PDE11A: variants seen among roughly 807,000 people sequenced by gnomAD.
The protein encoded by PDE11A is phosphodiesterase 11A.
Under a neutral mutation model 100.5 loss-of-function variants are expected in PDE11A, and 100 were observed. The ratio of observed to expected loss-of-function variants is 1.00; its 90% CI spans 0.85 to 1.18. The LOEUF (loss-of-function observed/expected upper bound fraction) is 1.18. Ranked by LOEUF, PDE11A falls within the 50% of genes most tolerant of loss-of-function variation. The pLI is 0.00. For synonymous variants in PDE11A, 381 were observed against 420.8 expected (o/e 0.91, Z 1.16); for missense variants, 1,141 against 1,152.6 (o/e 0.99, Z 0.15).
rs2087147897 is a variant in PDE11A at position 178,072,420 on chromosome 2, C to T, written c.18G>A (p.Leu6=). The part of the protein sequence containing the change: MAASR[L]DFGEVETFLD... ...GGAAAGTTTCCACCTCCCCAAAGTC[C>T]AGGCGGGAGGCTGCCATGGTCCCAG... The change falls in exon 1 of 20, where the codon CTG becomes CTA. Residue 6 remains leucine (L), a synonymous_variant. Transcript: ENST00000286063. 2 of 1,613,404 alleles carry T rather than the reference C, an allele frequency of 1.2e-6. No individual in the cohort carries two copies. Among genetic ancestry groups the T allele is most frequent in the East Asian group, 4.5e-5 (2 of 44,888 alleles).
At chr2:177,740,678 C>T (rs997487361) in intron 10 of PDE11A, among the ~76,000 whole-genome samples, 6 of 152,202 alleles carry the variant, frequency 3.9e-5, no homozygotes, top group African/African-American at 1.2e-4. Flanking sequence ...ATTTGAATGC[C>T]TCTTAGCTTA....
At chr2:177,704,027 T>C (rs2081240848) in intron 13 of PDE11A, among the ~76,000 whole-genome samples, 1 of 152,230 alleles carries the variant, frequency 6.6e-6, no homozygotes. Flanking sequence ...ACAATACTGA[T>C]TCAATCACAG....
At chr2:177,778,374 A>G (rs1263218417) in intron 9 of PDE11A, among the ~76,000 whole-genome samples, 2 of 152,196 alleles carry the variant, frequency 1.3e-5, no homozygotes, top group Non-Finnish European at 2.9e-5. Context: ...GATATGGACC[A>G]TTATACCAGC....
chr2:177,764,052 C>T (rs1322065903), intron 10 of PDE11A, among the ~76,000 whole-genome samples: 1 of 152,188 alleles, frequency 6.6e-6, no homozygotes, highest in Admixed American at 6.5e-5. Flanking sequence ...ATTAAAGTGT[C>T]TTATCAAATC....
chr2:178,018,082 G>A (rs1012327934), intron 1 of PDE11A: 4 of 193,484 alleles, frequency 2.1e-5, no homozygotes, highest in Non-Finnish European at 3.2e-5. Flanking sequence ...GACCTGCCAT[G>A]TCTCAGCACA....
chr2:177,680,740 T>G, intron 16 of PDE11A, 86 bp downstream of exon 16: 1 of 726,196 alleles, frequency 1.4e-6, no homozygotes, highest in South Asian at 1.6e-5. Flanking sequence ...TAAAAATCAC[T>G]TCTATGCTCT....
At chr2:178,102,365 T>C (rs529551748) in intron 2 of PDE11A, among the ~76,000 whole-genome samples, 1 of 151,548 alleles carries the variant, frequency 6.6e-6, no homozygotes, top group African/African-American at 2.4e-5. Flanking sequence ...GACCTCGTGA[T>C]CTGCCAACCT....
At chr2:177,673,276 GAGA>G (rs969434972) in intron 17 of PDE11A, among the ~76,000 whole-genome samples, 17 of 152,196 alleles carry the variant, frequency 1.1e-4, no homozygotes, top group African/African-American at 4.1e-4. Flanking sequence ...TTCTTTAGGT[GAGA>G]AGAAGGCAGT....
chr2:178,042,700 A>G (rs2086699399), intron 1 of PDE11A, among the ~76,000 whole-genome samples: 1 of 152,210 alleles, frequency 6.6e-6, no homozygotes, highest in Non-Finnish European at 1.5e-5. Context: ...GCCTCAGTAT[A>G]TGATTTTAAG....
At position 177,686,179 on chromosome 2, in the gene PDE11A, T is replaced by C. The variant is rs2080945588; in HGVS notation, c.2346-5276A>G. On this transcript the variant is annotated intron_variant, in intron 15 of 19. Transcript: ENST00000286063. ...GTGATAAGTTCTATTTACTCTGTCG[T>C]CCCAAGGTTTGATTATGTTCTTAAG... Among the ~76,000 whole-genome samples the C allele has an allele frequency of 2.0e-5, 3 of 152,326 alleles. No individual in the cohort carries two copies. In the South Asian group the frequency reaches 6.2e-4, roughly 32 times the overall value.
chr2:177,853,004 G>C lies in PDE11A; in HGVS notation c.1368-12621C>G, dbSNP rs16865848. Among the ~76,000 whole-genome samples the C allele has an allele frequency of 7.3e-3, 1,104 of 152,216 alleles. 13 individuals carry two copies. The highest frequency in any genetic ancestry group is 0.025 in the African/African-American group (1,028 of 41,538). On this transcript the variant is annotated intron_variant, in intron 5 of 19. Transcript: ENST00000286063. ...GCAATTAGAATGATGAGATTTATCA[G>C]CCGGTGTCACTGTGCAGTTGTGACT...
At chr2:177,631,555 A>G (rs371397531) in intron 19 of PDE11A, among the ~76,000 whole-genome samples, 18,480 of 30,604 alleles carry the variant, frequency 0.6, 6,982 homozygotes, top group East Asian at 0.8. Flanking sequence ...ATACACATGT[A>G]TATATATATA....
chr2:177,828,479 A>G (rs934552357), intron 6 of PDE11A, among the ~76,000 whole-genome samples: 4 of 152,236 alleles, frequency 2.6e-5, no homozygotes, highest in African/African-American at 9.6e-5. Flanking sequence ...GATGGTAAAC[A>G]ATACAAAGAT....
intron 12 of PDE11A, among the ~76,000 whole-genome samples, chr2:177,714,308 A>G (rs907618111): frequency 2.6e-5 from 4 of 152,134 alleles, no homozygotes; most frequent in Non-Finnish European, 5.9e-5. Flanking sequence ...CTATATTTCT[A>G]TATAGCATGC....
chr2:178,018,342 A>G, intron 1 of PDE11A: 1 of 164,220 alleles, frequency 6.1e-6, no homozygotes, highest in South Asian at 6.1e-5. Flanking sequence ...ATGCAGACGC[A>G]TCACGGAAAG....
At chr2:177,650,307 T>C (rs549329866) in intron 19 of PDE11A, among the ~76,000 whole-genome samples, 8 of 152,240 alleles carry the variant, frequency 5.3e-5, no homozygotes, top group Non-Finnish European at 1.0e-4. Context: ...TGTGATTCTG[T>C]TGTGTTCACC....
At chr2:178,007,800 G>A (rs2086228722) in intron 2 of PDE11A, among the ~76,000 whole-genome samples, 1 of 152,078 alleles carries the variant, frequency 6.6e-6, no homozygotes, top group Admixed American at 6.5e-5. Context: ...TGCCTCCCGG[G>A]TTCAAGCAAT....
At chr2:177,917,329 C>G (rs1441216577) in intron 2 of PDE11A, among the ~76,000 whole-genome samples, 1 of 152,164 alleles carries the variant, frequency 6.6e-6, no homozygotes, top group Non-Finnish European at 1.5e-5. Flanking sequence ...TCCCCTGCTC[C>G]AGCACTGCCA....
intron 15 of PDE11A, among the ~76,000 whole-genome samples, chr2:177,693,661 T>A (rs1369994736): frequency 6.6e-6 from 1 of 152,206 alleles, no homozygotes; most frequent in Admixed American, 6.5e-5. Flanking sequence ...TCACATAATA[T>A]ATCCCCAATT....
Sources: gnomAD v4.1 joint callset for allele counts (sites outside exome capture counted in the v4.1 genomes callset) on GRCh38, gnomAD v4.1.1 for gene constraint, MANE v1.5 for transcripts, NCBI Gene and HGNC (gene_info 2026-07-23, HGNC 2026-07-21) for gene names.